Variants in LINGO2 observed in about 807,000 individuals in gnomAD.
LINGO2 encodes the protein leucine-rich repeat and immunoglobulin-like domain-containing nogo receptor-interacting protein 2.
LINGO2 carries 14 observed loss-of-function variants against 30.6 expected under a neutral mutation model. The ratio of observed to expected loss-of-function variants is 0.46; its 90% CI spans 0.30 to 0.72. The LOEUF is 0.72. Among genes scored for constraint, LINGO2 ranks in the 30% least tolerant of loss-of-function variants. The pLI is 0.07. For missense variants in LINGO2, 729 were observed against 751.7 expected, an observed-to-expected ratio of 0.97 and a Z score of 0.35; for synonymous variants, 317 against 288.5, an observed-to-expected ratio of 1.10 and a Z score of -1.00.
chr9:29,189,051 CG>C, the LINGO2 span, among the ~76,000 whole-genome samples: 1 of 106,888 alleles, frequency 9.4e-6, no homozygotes, highest in Admixed American at 9.0e-5. Flanking sequence ...GCTGGCCGGG[CG>C]GGGGGCTGAC....
At chr9:29,144,540 C>G in the LINGO2 span, among the ~76,000 whole-genome samples, 1 of 152,166 alleles carries the variant, frequency 6.6e-6, no homozygotes, top group Admixed American at 6.5e-5. Context: ...AGTTGAGTAA[C>G]AGCCTGGTCC....
chr9:28,906,355 A>G, the LINGO2 span, among the ~76,000 whole-genome samples: 4 of 151,990 alleles, frequency 2.6e-5, no homozygotes, highest in Non-Finnish European at 5.9e-5. Flanking sequence ...AATTAGCTCA[A>G]TTTATCCTTT....
intron 4 of LINGO2, among the ~76,000 whole-genome samples, chr9:28,015,907 ACT>A (rs1210104008): frequency 1.3e-5 from 2 of 150,918 alleles, no homozygotes; most frequent in Non-Finnish European, 2.9e-5. Flanking sequence ...AAGCACTTGA[ACT>A]CTGATTTACA....
At chr9:29,085,383 T>C in the LINGO2 span, among the ~76,000 whole-genome samples, 1 of 147,138 alleles carries the variant, frequency 6.8e-6, no homozygotes, top group African/African-American at 2.5e-5. Context: ...GATAAAATAA[T>C]AGCAGCTACC....
the LINGO2 span, among the ~76,000 whole-genome samples, chr9:28,953,617 T>C: frequency 1.8e-4 from 27 of 152,128 alleles, no homozygotes; most frequent in Non-Finnish European, 2.9e-5. Flanking sequence ...AATAGCCTTA[T>C]TCAATCTGCA....
intron 2 of LINGO2, among the ~76,000 whole-genome samples, chr9:28,417,480 G>T (rs1823010591): frequency 6.6e-6 from 1 of 152,184 alleles, no homozygotes; most frequent in African/African-American, 2.4e-5. Flanking sequence ...TGATAATATA[G>T]AAATAATACA....
chr9:28,264,559 C>A lies in LINGO2; in HGVS notation c.-87+30649G>T, dbSNP rs574147841. Among the ~76,000 whole-genome samples, 128 of 151,968 alleles carry A rather than the reference C, an allele frequency of 8.4e-4. 1 individual carries two copies. The highest frequency in any genetic ancestry group is 2.9e-3 in the African/African-American group (122 of 41,498). On this transcript the variant is annotated intron_variant, in intron 4 of 5. Coordinates refer to ENST00000379992, the Ensembl canonical transcript of LINGO2. The stretch of plus-strand genomic sequence containing the variant: ...CATTCAGCCCATGTTTGCATGTCAT[C>A]GGTGACTGGAAACTCACCACTTCCC...
At chr9:29,168,371 T>G in the LINGO2 span, among the ~76,000 whole-genome samples, 1 of 152,184 alleles carries the variant, frequency 6.6e-6, no homozygotes, top group African/African-American at 2.4e-5. Flanking sequence ...TGCTAAAAAA[T>G]GTGCTTAAGT....
intron 1 of LINGO2, among the ~76,000 whole-genome samples, chr9:28,562,369 C>T (rs939726497): frequency 5.4e-5 from 8 of 147,278 alleles, no homozygotes; most frequent in Non-Finnish European, 1.2e-4. Flanking sequence ...ACATAACCAT[C>T]TCTAATCTCT....
intron 4 of LINGO2, among the ~76,000 whole-genome samples, chr9:28,014,558 C>T (rs62554702): frequency 0.019 from 1,541 of 79,676 alleles, 16 homozygotes; most frequent in Middle Eastern, 0.047. Flanking sequence ...ACTTTTTTAT[C>T]CAGGATAAGA....
intron 5 of LINGO2, among the ~76,000 whole-genome samples, chr9:28,007,209 T>C (rs1300663741): frequency 6.6e-6 from 1 of 152,312 alleles, no homozygotes; most frequent in East Asian, 1.9e-4. Context: ...AAGTAAGTTC[T>C]ATAGTCTCTT....
chr9:28,299,786 C>A (rs1240682861), intron 3 of LINGO2, among the ~76,000 whole-genome samples: 2 of 152,016 alleles, frequency 1.3e-5, no homozygotes, highest in Non-Finnish European at 1.5e-5. Context: ...GAAAGATTCA[C>A]TCAATTTATA....
At chr9:28,590,411 C>T (rs1195639700) in intron 1 of LINGO2, among the ~76,000 whole-genome samples, 6 of 151,884 alleles carry the variant, frequency 4.0e-5, no homozygotes, top group South Asian at 2.1e-4. Flanking sequence ...ATTCATCTGA[C>T]GAAGGGCTAA....
chr9:28,189,196 T>C (rs891620039), intron 4 of LINGO2, among the ~76,000 whole-genome samples: 2 of 149,098 alleles, frequency 1.3e-5, no homozygotes, highest in African/African-American at 5.0e-5. Flanking sequence ...AGCAGTGATC[T>C]TTTTTTTCTA....
chr9:28,756,815 T>A, the LINGO2 span, among the ~76,000 whole-genome samples: 769 of 152,026 alleles, frequency 5.1e-3, 13 homozygotes, highest in African/African-American at 0.017. Flanking sequence ...GACTGTAAAT[T>A]TCCTGAGGCC....
At chr9:28,504,457 C>T (rs1459201208) in intron 1 of LINGO2, among the ~76,000 whole-genome samples, 2 of 151,770 alleles carry the variant, frequency 1.3e-5, no homozygotes, top group Non-Finnish European at 2.9e-5. Context: ...AACCAGTACA[C>T]ACATAAGGCT....
At chr9:28,291,435 C>T (rs1162471764) in intron 4 of LINGO2, among the ~76,000 whole-genome samples, 1 of 152,136 alleles carries the variant, frequency 6.6e-6, no homozygotes, top group African/African-American at 2.4e-5. Flanking sequence ...GATATTATGC[C>T]AGTTCTAGGG....
In LINGO2 at chr9:28,593,484, A is replaced by G. The variant is rs148500193; in HGVS notation, c.-365+76716T>C. Among the ~76,000 whole-genome samples, 284 of 152,212 alleles carry G rather than the reference A, an allele frequency of 1.9e-3. 3 individuals carry two copies. The highest frequency in any genetic ancestry group is 1.0e-3 in the South Asian group (5 of 4,826). On this transcript the variant is annotated intron_variant, in intron 1 of 5. Coordinates refer to ENST00000379992, the Ensembl canonical transcript of LINGO2. ...TTTCCTACCTTCCATATGTTTTGTA[A>G]AATAGAGCAAATTGGTCTGTAGAAA... is the stretch of plus-strand genomic sequence containing the variant.
chr9:28,616,164 G>A (rs1230645773), intron 1 of LINGO2, among the ~76,000 whole-genome samples: 4 of 152,076 alleles, frequency 2.6e-5, no homozygotes, highest in Non-Finnish European at 5.9e-5. Flanking sequence ...ATACCGTAAT[G>A]AAAAGTTTAT....
Sources: gnomAD v4.1 joint callset for allele counts (sites outside exome capture counted in the v4.1 genomes callset) on GRCh38, gnomAD v4.1.1 for gene constraint, MANE v1.5 for transcripts, NCBI Gene and HGNC (gene_info 2026-07-23, HGNC 2026-07-21) for gene names.